Variants in TTC33 observed in about 807,000 individuals in gnomAD.
The protein encoded by TTC33 is tetratricopeptide repeat domain 33, also known as tetratricopeptide repeat protein 33.
In TTC33, 24 loss-of-function variants were observed where a neutral mutation model predicts 29.4. The observed-to-expected ratio is 0.82, with a 90% CI of 0.59 to 1.15. The LOEUF is 1.15. Ranked by LOEUF, TTC33 falls within the 50% of genes most tolerant of loss-of-function variation. The pLI, the probability that TTC33 is intolerant of heterozygous loss-of-function variation, is 0.00. For synonymous variants in TTC33, 107 were observed against 100.3 expected (o/e 1.07, Z -0.40); for missense variants, 286 against 310.4 (o/e 0.92, Z 0.59).
At chr5:40,738,498 AC>A (rs1384649003) in intron 2 of TTC33, among the ~76,000 whole-genome samples, 18 of 139,186 alleles carry the variant, frequency 1.3e-4, no homozygotes, top group African/African-American at 3.5e-4. Flanking sequence ...ACAATACAAT[AC>A]AATACAATAA....
rs1554027963 is a variant in TTC33, at chr5:40,738,572, A to AATAAAAT, written c.221+8219_221+8225dup. Among the ~76,000 whole-genome samples the AATAAAAT allele has an allele frequency of 5.2e-3, 380 of 72,518 alleles. 4 individuals carry two copies. The highest frequency in any genetic ancestry group is 6.7e-3 in the African/African-American group (114 of 17,070). 47.6% of individuals were successfully genotyped at this position (72,518 alleles called of 152,430 possible). On this transcript the variant is annotated intron_variant, in intron 2 of 4. Coordinates refer to ENST00000337702, the MANE Select transcript of TTC33 (RefSeq NM_012382.3). ...TAAAATAAAATAAAATAAAATATAA[A>AATAAAAT]ATAAAATAAAATAAAATAAAATAAA...
At chr5:40,739,916 GA>G (rs1317504196) in intron 2 of TTC33, among the ~76,000 whole-genome samples, 1 of 151,904 alleles carries the variant, frequency 6.6e-6, no homozygotes, top group African/African-American at 2.4e-5. Flanking sequence ...TTAGATTTGG[GA>G]ATAATACTAC....
intron 4 of TTC33, among the ~76,000 whole-genome samples, chr5:40,721,528 T>C (rs1171781147): frequency 1.3e-5 from 2 of 152,098 alleles, no homozygotes; most frequent in African/African-American, 4.8e-5. Context: ...CTTCAACAAA[T>C]GATGCTGGGA....
At chr5:40,745,922 G>A (rs1341304172) in intron 2 of TTC33, among the ~76,000 whole-genome samples, 5 of 151,902 alleles carry the variant, frequency 3.3e-5, no homozygotes, top group African/African-American at 9.7e-5. Context: ...CTTTAATACA[G>A]ATTTGAAATT....
At chr5:40,729,180 T>A (rs1742365499) in intron 3 of TTC33, among the ~76,000 whole-genome samples, 1 of 152,202 alleles carries the variant, frequency 6.6e-6, no homozygotes, top group East Asian at 1.9e-4. Context: ...ATATACATAT[T>A]TAAGATTGAA....
At chr5:40,744,354 A>G (rs1742752606) in intron 2 of TTC33, among the ~76,000 whole-genome samples, 1 of 152,170 alleles carries the variant, frequency 6.6e-6, no homozygotes, top group Non-Finnish European at 1.5e-5. Context: ...ATTTTGTTTT[A>G]TATTAAGTTA....
In TTC33 at chr5:40,734,408, A is replaced by G. The variant is rs140058507; in HGVS notation, c.222-4065T>C. ...GGTTTAAAGTCACTGTGGTTAATAA[A>G]TGACCAAAGTCTGATTCCGCCAGTT... On this transcript the variant is annotated intron_variant, in intron 2 of 4. Coordinates refer to ENST00000337702, the MANE Select transcript of TTC33 (RefSeq NM_012382.3). 4.9e-3 allele frequency among the ~76,000 whole-genome samples: 753 copies of G among 152,340 alleles called. 5 individuals are homozygous for G. Among genetic ancestry groups the G allele is most frequent in the African/African-American group, 0.017 (717 of 41,582 alleles).
At chr5:40,743,594 G>A (rs945537939) in intron 2 of TTC33, among the ~76,000 whole-genome samples, 2 of 151,860 alleles carry the variant, frequency 1.3e-5, no homozygotes, top group Admixed American at 6.6e-5. Flanking sequence ...CCAACATGGC[G>A]AAATCCCATC....
chr5:40,739,470 G>A (rs191142387), intron 2 of TTC33, among the ~76,000 whole-genome samples: 3 of 152,142 alleles, frequency 2.0e-5, no homozygotes, highest in African/African-American at 4.8e-5. Context: ...TCTGGTGGGA[G>A]GTGATTGGAT....
chr5:40,754,693 G>A (rs563737776), intron 1 of TTC33, among the ~76,000 whole-genome samples: 23 of 152,328 alleles, frequency 1.5e-4, no homozygotes, highest in Non-Finnish European at 1.2e-4. Context: ...TGCTACAAGA[G>A]AGTAAACAAA....
rs1742746786 is a variant in TTC33, at chr5:40,744,007, G to A, written c.221+2791C>T. On this transcript the variant is annotated intron_variant, in intron 2 of 4. Coordinates refer to ENST00000337702, the MANE Select transcript of TTC33 (RefSeq NM_012382.3). The stretch of plus-strand genomic sequence containing the variant: ...TCTTCTCTGTCACAGGAAATTCAGA[G>A]GGAATCCGATGGCAATAACAGAACA... Among the ~76,000 whole-genome samples the A allele has an allele frequency of 2.0e-5, 3 of 152,314 alleles. No homozygotes were observed. The South Asian group carries it at 6.2e-4, about 32-fold the overall frequency.
rs12173270 is a variant in TTC33, at chr5:40,713,543, T to C, written c.*2602A>G. Among the ~76,000 whole-genome samples the C allele has an allele frequency of 0.024, 3,594 of 152,246 alleles. 48 individuals are homozygous for C. The highest frequency in any genetic ancestry group is 0.064 in the East Asian group (331 of 5,182). On this transcript the variant is annotated 3_prime_UTR_variant, in exon 5 of 5. Transcript: ENST00000337702. ...TGTGAGCTATAACTTGCATGGCTTTTCAATGTTTATGTAGTGTCTGTTAAT... is the reference window on the plus strand; with the variant it reads ...TGTGAGCTATAACTTGCATGGCTTTCCAATGTTTATGTAGTGTCTGTTAAT...
At chr5:40,727,722 A>G (rs1363818341) in intron 4 of TTC33, among the ~76,000 whole-genome samples, 1 of 152,190 alleles carries the variant, frequency 6.6e-6, no homozygotes, top group Non-Finnish European at 1.5e-5. Context: ...GATCCAAAGA[A>G]CTAAGCCAAA....
At chr5:40,744,730 A>ACTGT (rs1293538955) in intron 2 of TTC33, among the ~76,000 whole-genome samples, 4 of 152,256 alleles carry the variant, frequency 2.6e-5, no homozygotes, top group Admixed American at 2.6e-4. Context: ...ATTCAAATCA[A>ACTGT]CAATTCTTAT....
intron 2 of TTC33, among the ~76,000 whole-genome samples, chr5:40,744,017 T>C (rs897246397): frequency 6.6e-6 from 1 of 152,216 alleles, no homozygotes. Context: ...GGGAATCCGA[T>C]GGCAATAACA....
chr5:40,719,537 A>G lies in TTC33; in HGVS notation c.436-3039T>C, dbSNP rs552338495. ...TTTATGTAAATGTTTTTGTGTGGAC[A>G]TATGTCTTCATTTCTCTTGGGTATA... On this transcript the variant is annotated intron_variant, in intron 4 of 4. Coordinates refer to ENST00000337702, the MANE Select transcript of TTC33 (RefSeq NM_012382.3). Among the ~76,000 whole-genome samples, 4 of 152,290 alleles carry G rather than the reference A, an allele frequency of 2.6e-5. No homozygotes were observed. The South Asian group carries it at 8.3e-4, about 32-fold the overall frequency.
intron 2 of TTC33, among the ~76,000 whole-genome samples, chr5:40,740,626 C>T (rs934432715): frequency 6.6e-6 from 1 of 152,150 alleles, no homozygotes. Flanking sequence ...CATGGGACTC[C>T]AATGAGGGAC....
At chr5:40,753,651 G>A (rs1742936626) in intron 1 of TTC33, among the ~76,000 whole-genome samples, 1 of 152,128 alleles carries the variant, frequency 6.6e-6, no homozygotes, top group South Asian at 2.1e-4. Context: ...ACACAGTGAG[G>A]ACAACCTGAG....
At chr5:40,716,818 C>T (rs1238921239) in intron 4 of TTC33, among the ~76,000 whole-genome samples, 1 of 152,220 alleles carries the variant, frequency 6.6e-6, no homozygotes, top group Non-Finnish European at 1.5e-5. Flanking sequence ...TTGGGGATTT[C>T]CTGGGCTAAC....
Sources: allele counts gnomAD v4.1 joint callset (sites outside exome capture counted in the v4.1 genomes callset), GRCh38; gene constraint gnomAD v4.1.1; transcripts MANE v1.5; gene names NCBI Gene and HGNC (gene_info 2026-07-23, HGNC 2026-07-21).